MCM3AP: variants seen among roughly 807,000 people sequenced by gnomAD.
MCM3AP encodes minichromosome maintenance complex component 3 associated protein, also known as germinal-center associated nuclear protein.
A neutral mutation model predicts 184.1 loss-of-function variants in MCM3AP; 126 were observed. The ratio of observed to expected loss-of-function variants is 0.68; its 90% CI spans 0.59 to 0.79. MCM3AP has a LOEUF of 0.79. Ranked by LOEUF, MCM3AP falls within the 30% of genes least tolerant of loss-of-function variation. MCM3AP has a pLI of 0.00. For missense variants in MCM3AP, 2,496 were observed against 2,479.2 expected (o/e 1.01, Z -0.14); for synonymous variants, 1,002 against 979.3 (o/e 1.02, Z -0.43).
At chr21:46,249,562 G>C (rs1267354357) in intron 20 of MCM3AP, 1 of 447,914 alleles carries the variant, frequency 2.2e-6, no homozygotes. Context: ...TGAAATAAAT[G>C]CATTTTCTTT....
intron 2 of MCM3AP, among the ~76,000 whole-genome samples, chr21:46,281,204 G>C (rs942035921): frequency 1.3e-5 from 2 of 152,156 alleles, no homozygotes; most frequent in East Asian, 1.9e-4. Context: ...CACATACAGA[G>C]ACAGAAAGTT....
intron 8 of MCM3AP, 135 bp downstream of exon 8, chr21:46,272,426 C>T (rs2081192664): frequency 1.1e-6 from 1 of 944,272 alleles, no homozygotes; most frequent in Admixed American, 2.6e-5. Flanking sequence ...GACCAAGGTC[C>T]TCTACTATCA....
intron 12 of MCM3AP, 53 bp downstream of exon 12, chr21:46,265,267 GT>G: frequency 1.9e-6 from 3 of 1,554,130 alleles, no homozygotes; most frequent in Admixed American, 1.7e-5. Context: ...GACTAAGGAC[GT>G]TTGCGCACAA....
intron 20 of MCM3AP, 167 bp downstream of exon 20, chr21:46,251,362 A>AATG: frequency 5.6e-6 from 2 of 356,392 alleles, no homozygotes; most frequent in African/African-American, 1.8e-4. Flanking sequence ...GGCTTAAAAA[A>AATG]ATTTTTTAAA....
chr21:46,242,804 TC>T lies in MCM3AP; in HGVS notation c.5423del (p.Gly1808AspfsTer5), dbSNP rs747306849. On this transcript the variant is annotated frameshift_variant, in exon 25 of 28. Transcript: ENST00000291688. LOFTEE classifies it high-confidence loss of function. The stretch of plus-strand genomic sequence containing the variant: ...AACATACTGAACATGAACCTCACCG[TC>T]CCTCTCTCAGCTGTAGCTCCTTCTG... The part of the protein sequence containing the change: ...QTQKELQLRE[G>X]RLAIKPFHPS... 9 of 1,606,344 alleles carry T rather than the reference TC, an allele frequency of 5.6e-6. No individual in the cohort carries two copies.
chr21:46,272,377 C>T (rs751235984), intron 8 of MCM3AP, among the ~76,000 whole-genome samples, 184 bp downstream of exon 8: 10 of 152,192 alleles, frequency 6.6e-5, no homozygotes, highest in African/African-American at 2.4e-4. Flanking sequence ...ACACCCCCAT[C>T]GCTCTTCCCC....
In MCM3AP at chr21:46,284,988, G is replaced by C; in HGVS notation, c.299C>G (p.Ser100Ter). 1 of 1,614,154 alleles carries C rather than the reference G, an allele frequency of 6.2e-7. No homozygotes were observed. Among genetic ancestry groups the C allele is most frequent in the Non-Finnish European group, 8.5e-7 (1 of 1,180,036 alleles). ...TSTFVATSGP[S>*]SSSVLGNTGF... ...TGTGTTTCCCAGCACAGATGAACTT[G>C]AAGGCCCAGAGGTAGCCACAAAGGT... Residue 100 changes from serine to a stop codon, truncating the protein, a stop_gained, in exon 1 of 28, where the codon TCA (serine) becomes TGA (stop). Coordinates refer to ENST00000291688, the MANE Select transcript of MCM3AP (RefSeq NM_003906.5). LOFTEE classifies it high-confidence loss of function.
intron 9 of MCM3AP, among the ~76,000 whole-genome samples, chr21:46,269,820 G>A (rs2839185): frequency 0.15 from 22,597 of 152,252 alleles, 1,764 homozygotes; most frequent in South Asian, 0.17. Flanking sequence ...GCCTAGAACA[G>A]CAGGTGCTAC....
intron 9 of MCM3AP, chr21:46,267,463 A>G: frequency 3.7e-6 from 1 of 273,882 alleles, no homozygotes; most frequent in East Asian, 8.3e-5. Context: ...CATCCACATG[A>G]CAAAAGGCCA....
chr21:46,259,135 C>A, intron 15 of MCM3AP, 44 bp from the exon 16 acceptor site: 1 of 1,570,326 alleles, frequency 6.4e-7, no homozygotes, highest in South Asian at 1.2e-5. Context: ...CACTTGGGGC[C>A]CACAGACACT....
Position 46,259,012 on chromosome 21 carries a change from G to GA in MCM3AP, c.3660dup (p.Leu1221SerfsTer69). ...GCAGTCTGGAAGATTTCCTCCACGAGAAACAAGTCCACTAAGTGGGCACAG... is the reference window on the plus strand; with the variant it reads ...GCAGTCTGGAAGATTTCCTCCACGAGAAAACAAGTCCACTAAGTGGGCACAG... On this transcript the variant is annotated frameshift_variant, in exon 16 of 28. Coordinates refer to ENST00000291688, the MANE Select transcript of MCM3AP (RefSeq NM_003906.5). LOFTEE classifies it high-confidence loss of function. The GA allele has an allele frequency of 6.2e-7, 1 of 1,614,114 alleles. No individual in the cohort carries two copies. The highest frequency in any genetic ancestry group is 8.5e-7 in the Non-Finnish European group (1 of 1,180,014).
rs772947435 is a variant in MCM3AP, at chr21:46,277,509, T to C, written c.1858+18A>G. The C allele has an allele frequency of 3.3e-6, 5 of 1,521,526 alleles. No homozygotes were observed. Among genetic ancestry groups the C allele is most frequent in the Non-Finnish European group, 4.4e-6 (5 of 1,132,358 alleles). The allele number at this position is 1,521,526 out of a possible 1,614,324, so 94.3% of individuals were successfully genotyped here. ...GACCTCACCAGGCCCCTAGAACCTC[T>C]GCCACCAAGTGCCATACCTTGCCGC... On this transcript the variant is annotated intron_variant, in intron 5 of 27. Transcript: ENST00000291688.
chr21:46,271,378 G>T (rs527609163), intron 8 of MCM3AP, among the ~76,000 whole-genome samples: 59 of 151,086 alleles, frequency 3.9e-4, no homozygotes, highest in African/African-American at 1.3e-3. Flanking sequence ...ACCCAGACTG[G>T]AGGACAGTGG....
intron 8 of MCM3AP, among the ~76,000 whole-genome samples, chr21:46,270,894 C>T (rs1217622772): frequency 2.0e-5 from 3 of 152,158 alleles, no homozygotes; most frequent in Non-Finnish European, 4.4e-5. Context: ...CTAACTACCA[C>T]GCTTGGATTG....
chr21:46,282,432 G>A (rs1192311058), intron 2 of MCM3AP, among the ~76,000 whole-genome samples: 1 of 152,092 alleles, frequency 6.6e-6, no homozygotes, highest in African/African-American at 2.4e-5. Context: ...TTGTCTATGA[G>A]AATACTCAGA....
chr21:46,284,234 T>C lies in MCM3AP; in HGVS notation c.1053A>G (p.Glu351=), dbSNP rs2145725765. The change falls in exon 1 of 28, where the codon GAA becomes GAG. Residue 351 remains glutamate (E), a synonymous_variant. Transcript: ENST00000291688. Reference sequence around the variant, plus strand: ...CCTCCTTGTTGCCCAGACGACCTACTTCCTTATTGCTTTTGAAAACATCCT... The same window carrying C: ...CCTCCTTGTTGCCCAGACGACCTACCTCCTTATTGCTTTTGAAAACATCCT... ...TIQDVFKSNK[E]VGRLGNKEAK... 4 of 1,614,224 alleles carry C rather than the reference T, an allele frequency of 2.5e-6. No individual in the cohort carries two copies. In the East Asian group the frequency reaches 8.9e-5, roughly 36 times the overall value.
intron 10 of MCM3AP, 86 bp downstream of exon 10, chr21:46,266,896 C>T (rs905860919): frequency 5.5e-6 from 8 of 1,443,146 alleles, no homozygotes; most frequent in Non-Finnish European, 7.5e-6. Flanking sequence ...TCAAGTCAGG[C>T]AAGCAGCCAG....
rs1160110121 is a variant in MCM3AP at position 46,236,967 on chromosome 21, C to A, written c.5646G>T (p.Gln1882His). Residue 1882 changes from glutamine (Q) to histidine (H), a missense_variant, in exon 27 of 28, where the codon CAG becomes CAT. Around this residue, in one of 5 missense-constraint regions of MCM3AP, gnomAD observed 1,323 missense variants for 1,273.4 expected, o/e 1.04. Coordinates refer to ENST00000291688, the MANE Select transcript of MCM3AP (RefSeq NM_003906.5). ...EKEENKRFED[Q>H]LQQWLSEDSG... ...AGTCTTCAGACAACCATTGCTGAAGCTGATCTTCAAACCTGAAACAATATG... is the reference window on the plus strand; with the variant it reads ...AGTCTTCAGACAACCATTGCTGAAGATGATCTTCAAACCTGAAACAATATG... 6.5e-7 allele frequency: 1 copy of A among 1,532,694 alleles called. No homozygotes were observed. The allele number at this position is 1,532,694 out of a possible 1,614,324, so 94.9% of individuals were successfully genotyped here.
intron 9 of MCM3AP, 86 bp from the exon 10 acceptor site, chr21:46,267,228 G>C: frequency 7.4e-7 from 1 of 1,352,484 alleles, no homozygotes; most frequent in Non-Finnish European, 1.0e-6. Flanking sequence ...GCCATGGCCA[G>C]CGTGGGGCAC....
Sources: allele counts gnomAD v4.1 joint callset (sites outside exome capture counted in the v4.1 genomes callset), GRCh38; gene constraint gnomAD v4.1.1; regional missense constraint gnomAD v4.1.1; transcripts MANE v1.5; gene names NCBI Gene and HGNC (gene_info 2026-07-23, HGNC 2026-07-21).